FHIT: variants seen among roughly 807,000 people sequenced by gnomAD.
FHIT encodes bis(5'-adenosyl)-triphosphatase.
In FHIT, 19 loss-of-function variants were observed where a neutral mutation model predicts 17.9. The observed-to-expected ratio is 1.06, with a 90% CI of 0.74 to 1.56. The LOEUF (loss-of-function observed/expected upper bound fraction) is 1.56. FHIT is among the 40% of genes most tolerant of loss of function. FHIT has a pLI of 0.00. For missense variants in FHIT, 248 were observed against 189.2 expected, an observed-to-expected ratio of 1.31 and a Z score of -1.82; for synonymous variants, 81 against 69.7, an observed-to-expected ratio of 1.16 and a Z score of -0.81.
chr3:60,245,711 G>C (rs1452975935), intron 5 of FHIT, among the ~76,000 whole-genome samples: 1 of 152,010 alleles, frequency 6.6e-6, no homozygotes, highest in Non-Finnish European at 1.5e-5. Context: ...AATTACACAA[G>C]TGGGCAAAAC....
intron 2 of FHIT, among the ~76,000 whole-genome samples, chr3:61,078,335 G>A (rs943203449): frequency 6.6e-6 from 1 of 152,080 alleles, no homozygotes; most frequent in Admixed American, 6.6e-5. Flanking sequence ...GTCTCAGGGG[G>A]ATAAACAATA....
intron 5 of FHIT, among the ~76,000 whole-genome samples, chr3:60,155,759 G>A (rs1033432484): frequency 6.6e-6 from 1 of 152,086 alleles, no homozygotes; most frequent in Admixed American, 6.6e-5. Flanking sequence ...TTTGTTTGCT[G>A]TTTGTGATTT....
rs1699440634 is a variant in FHIT, at chr3:59,789,070, C to T, written c.349-36749G>A. ...CTTTGCTACTTAAAAAATTCACAGCCAATTTAATTAAAAATATAACAGCTC... is the reference window on the plus strand; with the variant it reads ...CTTTGCTACTTAAAAAATTCACAGCTAATTTAATTAAAAATATAACAGCTC... On this transcript the variant is annotated intron_variant, in intron 8 of 9. Transcript: ENST00000492590. Among the ~76,000 whole-genome samples the T allele has an allele frequency of 2.0e-5, 3 of 151,984 alleles. No homozygotes were observed. The South Asian group carries it at 6.2e-4, about 32-fold the overall frequency.
intron 3 of FHIT, among the ~76,000 whole-genome samples, chr3:60,861,282 T>C (rs13316031): frequency 0.04 from 3,857 of 97,102 alleles, 403 homozygotes; most frequent in African/African-American, 0.15. Flanking sequence ...ATATCTTTCT[T>C]TTTTTTTTCA....
intron 5 of FHIT, among the ~76,000 whole-genome samples, chr3:60,414,412 C>T (rs1409110951): frequency 6.6e-6 from 1 of 152,150 alleles, no homozygotes; most frequent in African/African-American, 2.4e-5. Context: ...GATACCCTGA[C>T]ACATGCTCAG....
intron 4 of FHIT, among the ~76,000 whole-genome samples, chr3:60,752,348 C>A (rs1184843489): frequency 6.6e-6 from 1 of 152,134 alleles, no homozygotes. Flanking sequence ...ACAGATAACA[C>A]GTGAAATTCC....
At chr3:59,915,491 T>G (rs1175119827) in intron 8 of FHIT, among the ~76,000 whole-genome samples, 2 of 152,212 alleles carry the variant, frequency 1.3e-5, no homozygotes, top group Non-Finnish European at 2.9e-5. Flanking sequence ...GCTCAACCTG[T>G]AGATACCTGC....
At chr3:60,963,010 G>A (rs995522579) in intron 3 of FHIT, among the ~76,000 whole-genome samples, 11 of 152,146 alleles carry the variant, frequency 7.2e-5, no homozygotes, top group South Asian at 2.1e-4. Flanking sequence ...AATGGTACCC[G>A]CTCCTCTTTG....
intron 4 of FHIT, among the ~76,000 whole-genome samples, chr3:60,794,381 G>A (rs552315933): frequency 6.6e-6 from 1 of 150,614 alleles, no homozygotes; most frequent in Non-Finnish European, 1.5e-5. Context: ...AAAATGGATG[G>A]ATGGATGGAT....
rs200581762 is a variant in FHIT at position 59,898,638 on chromosome 3, C to CT, written c.348+23707dup. On this transcript the variant is annotated intron_variant, in intron 8 of 9. Transcript: ENST00000492590. ...AGATAATAAATATCCTCTACAGAAT[C>CT]TTTTTTTTTCTTCTTTTTTTGGTAC... Among the ~76,000 whole-genome samples the CT allele has an allele frequency of 1.5e-4, 22 of 151,500 alleles. No individual in the cohort carries two copies. The East Asian group carries it at 3.3e-3, about 23-fold the overall frequency.
intron 8 of FHIT, among the ~76,000 whole-genome samples, chr3:59,769,827 T>C (rs1472876638): frequency 6.6e-6 from 1 of 152,106 alleles, no homozygotes; most frequent in African/African-American, 2.4e-5. Flanking sequence ...TAGGACAGCT[T>C]CTCAAATGAT....
chr3:60,702,289 A>T (rs2041267391), intron 4 of FHIT, among the ~76,000 whole-genome samples: 1 of 152,174 alleles, frequency 6.6e-6, no homozygotes, highest in South Asian at 2.1e-4. Flanking sequence ...TTTATATTAC[A>T]TTTTAATGTT....
chr3:60,267,074 G>T (rs978149130), intron 5 of FHIT, among the ~76,000 whole-genome samples: 8 of 151,984 alleles, frequency 5.3e-5, no homozygotes, highest in African/African-American at 9.7e-5. Flanking sequence ...GAAGAAGAGC[G>T]TGTGCAATAG....
At chr3:60,504,251 T>G (rs1029024362) in intron 5 of FHIT, among the ~76,000 whole-genome samples, 3 of 151,932 alleles carry the variant, frequency 2.0e-5, no homozygotes, top group Admixed American at 2.0e-4. Context: ...CTGGCCAACA[T>G]GGTGAAACCC....
At chr3:59,885,622 A>T (rs2106977192) in intron 8 of FHIT, among the ~76,000 whole-genome samples, 1 of 152,104 alleles carries the variant, frequency 6.6e-6, no homozygotes, top group East Asian at 1.9e-4. Flanking sequence ...TAACTGCATC[A>T]TCCTTGCAAA....
intron 3 of FHIT, among the ~76,000 whole-genome samples, chr3:60,940,750 T>A (rs1412710690): frequency 1.3e-5 from 2 of 152,228 alleles, no homozygotes; most frequent in Admixed American, 6.5e-5. Context: ...TAAAATGCTC[T>A]GGAAGTTATG....
In FHIT at chr3:60,419,262, T is replaced by C. The variant is rs1382720329; in HGVS notation, c.103+117598A>G. Among the ~76,000 whole-genome samples, 6 of 152,242 alleles carry C rather than the reference T, an allele frequency of 3.9e-5. No individual in the cohort carries two copies. The South Asian group carries it at 8.3e-4, about 21-fold the overall frequency. ...TGAGGGTTGTGATTTAATAGCCGTA[T>C]AGCACATGCCTTAGCAAGTGTCGTC... On this transcript the variant is annotated intron_variant, in intron 5 of 9. Transcript: ENST00000492590.
At chr3:61,216,928 G>A (rs2039695504) in intron 1 of FHIT, among the ~76,000 whole-genome samples, 1 of 151,434 alleles carries the variant, frequency 6.6e-6, no homozygotes, top group Non-Finnish European at 1.5e-5. Flanking sequence ...CTCACTCATA[G>A]GTGGGAATTG....
chr3:59,840,461 G>A (rs890942020), intron 8 of FHIT, among the ~76,000 whole-genome samples: 1 of 150,648 alleles, frequency 6.6e-6, no homozygotes, highest in South Asian at 2.1e-4. Flanking sequence ...ATTTTTGAAT[G>A]TTGGCAATGA....
Sources: allele counts gnomAD v4.1 joint callset (sites outside exome capture counted in the v4.1 genomes callset), GRCh38; gene constraint gnomAD v4.1.1; transcripts MANE v1.5; gene names NCBI Gene and HGNC (gene_info 2026-07-23, HGNC 2026-07-21).